The following GRIN3A variants were observed in gnomAD, a reference collection of about 807,000 sequenced individuals.
GRIN3A encodes the protein glutamate receptor ionotropic, NMDA 3A.
Under a neutral mutation model 92.4 loss-of-function variants are expected in GRIN3A, and 47 were observed. The observed-to-expected ratio is 0.51, with a 90% confidence interval of 0.40 to 0.65. GRIN3A has a LOEUF of 0.65. GRIN3A is among the 30% of genes least tolerant of loss of function. The probability of loss-of-function intolerance (pLI) is 0.00; values close to 1 mark genes in which losing one functional copy is unlikely to be tolerated. For synonymous variants in GRIN3A, 527 were observed against 540.6 expected, an observed-to-expected ratio of 0.97 and a Z score of 0.35; for missense variants, 1,324 against 1,393.1, an observed-to-expected ratio of 0.95 and a Z score of 0.79.
At position 101,570,690 on chromosome 9, in the gene GRIN3A, T is replaced by C. The variant is rs1009482623; in HGVS notation, c.*2484A>G. 1 of 152,562 alleles carries C rather than the reference T, an allele frequency of 6.6e-6. No individual in the cohort carries two copies. 9.5% of individuals were successfully genotyped at this position (152,562 alleles called of 1,614,324 possible). ...GAGCGTGCATTGGTCATCTACTTTGTGGATAGGCAGGGCGATCTGGCATGT... is the reference window on the plus strand; with the variant it reads ...GAGCGTGCATTGGTCATCTACTTTGCGGATAGGCAGGGCGATCTGGCATGT... On this transcript the variant is annotated 3_prime_UTR_variant, in exon 9 of 9. Coordinates refer to ENST00000361820, the MANE Select transcript of GRIN3A (RefSeq NM_133445.3).
chr9:101,609,117 G>A (rs1412626515), intron 6 of GRIN3A, among the ~76,000 whole-genome samples: 1 of 152,208 alleles, frequency 6.6e-6, no homozygotes, highest in Non-Finnish European at 1.5e-5. Context: ...AAGGGAGGCT[G>A]TGCAATTGCC....
intron 6 of GRIN3A, chr9:101,594,969 C>A (rs562637941): frequency 1.3e-6 from 2 of 1,569,650 alleles, no homozygotes; most frequent in African/African-American, 1.3e-5. Context: ...GAGAGGGGAG[C>A]AGGGGCGGTG....
intron 6 of GRIN3A, among the ~76,000 whole-genome samples, chr9:101,596,858 T>C (rs1450965575): frequency 2.6e-5 from 4 of 152,230 alleles, no homozygotes; most frequent in Non-Finnish European, 5.9e-5. Context: ...TAAGGAAATA[T>C]TGGAACCAAC....
At chr9:101,698,881 G>C (rs910219182) in intron 1 of GRIN3A, among the ~76,000 whole-genome samples, 2 of 152,022 alleles carry the variant, frequency 1.3e-5, no homozygotes, top group Non-Finnish European at 2.9e-5. Flanking sequence ...TGTTAGCCAG[G>C]ATGGTCTCAA....
chr9:101,671,895 G>T (rs1255622682), intron 2 of GRIN3A, among the ~76,000 whole-genome samples: 2 of 152,140 alleles, frequency 1.3e-5, no homozygotes, highest in Admixed American at 6.5e-5. Flanking sequence ...ATAATATAGT[G>T]ATTCCTAACC....
rs961599057 is a variant in GRIN3A at position 101,689,912 on chromosome 9, G to T, written c.700-2712C>A. ...GTGTCTTACATATGGTTTGTTGTTT[G>T]CAAAAGAGCAAGCTCATGGCCTGAA... On this transcript the variant is annotated intron_variant, in intron 1 of 8. Coordinates refer to ENST00000361820, the MANE Select transcript of GRIN3A (RefSeq NM_133445.3). Among the ~76,000 whole-genome samples the T allele has an allele frequency of 4.4e-4, 67 of 152,118 alleles. 2 individuals are homozygous for T. Among genetic ancestry groups the T allele is most frequent in the Non-Finnish European group, 7.4e-5 (5 of 68,014 alleles).
Position 101,570,132 on chromosome 9 carries a change from C to T in GRIN3A, c.*3042G>A, listed in dbSNP as rs574487920. On this transcript the variant is annotated 3_prime_UTR_variant, in exon 9 of 9. Transcript: ENST00000361820. ...TAAATTTTGGGAGATTCCCCTTTCT[C>T]CTCCACCTGGAAGCATACACACTCT... is the stretch of plus-strand genomic sequence containing the variant. 90 of 152,258 alleles carry T rather than the reference C, an allele frequency of 5.9e-4. No homozygotes were observed. The highest frequency in any genetic ancestry group is 2.1e-3 in the African/African-American group (88 of 41,530). The allele number at this position is 152,258 out of a possible 1,614,324, so 9.4% of individuals were successfully genotyped here.
chr9:101,693,242 AAAATAT>A (rs1361136893), intron 1 of GRIN3A, among the ~76,000 whole-genome samples: 1,854 of 80,432 alleles, frequency 0.023, 30 homozygotes, highest in Admixed American at 0.059. Context: ...CATCTCAGCT[AAAATAT>A]ATATATATAT....
chr9:101,695,627 A>G (rs1829675696), intron 1 of GRIN3A, among the ~76,000 whole-genome samples: 1 of 152,158 alleles, frequency 6.6e-6, no homozygotes, highest in Admixed American at 6.6e-5. Flanking sequence ...CCTGACAATT[A>G]AGGAAGCTTC....
intron 1 of GRIN3A, among the ~76,000 whole-genome samples, chr9:101,727,539 C>G (rs1164361048): frequency 6.6e-6 from 1 of 152,072 alleles, no homozygotes; most frequent in African/African-American, 2.4e-5. Context: ...ATTAATGACT[C>G]TACATTTCTA....
At position 101,613,483 on chromosome 9, in the gene GRIN3A, T is replaced by C; in HGVS notation, c.2659A>G (p.Ile887Val). ...LPPNSPLTAN[I>V]SELISQYKSH... ...TTGTATTGACTGATTAGCTCGGATATGTTGGCGGTCAATGGAGAGTTGGGT... is the reference window on the plus strand; with the variant it reads ...TTGTATTGACTGATTAGCTCGGATACGTTGGCGGTCAATGGAGAGTTGGGT... Residue 887 changes from isoleucine (I) to valine (V), a missense_variant, in exon 6 of 9, where the codon ATA (isoleucine) becomes GTA (valine). Ile to Val is a conservative substitution (Grantham distance 29). Transcript: ENST00000361820. 2 of 1,614,204 alleles carry C rather than the reference T, an allele frequency of 1.2e-6. No homozygotes were observed. Among genetic ancestry groups the C allele is most frequent in the South Asian group, 1.1e-5 (1 of 91,078 alleles).
chr9:101,627,382 A>T (rs181222261), intron 4 of GRIN3A, among the ~76,000 whole-genome samples: 6 of 152,290 alleles, frequency 3.9e-5, no homozygotes, highest in Admixed American at 2.6e-4. Flanking sequence ...ATGTTCCATG[A>T]AATTATTTAT....
chr9:101,707,807 A>T (rs1436462547), intron 1 of GRIN3A, among the ~76,000 whole-genome samples: 1 of 151,988 alleles, frequency 6.6e-6, no homozygotes, highest in Non-Finnish European at 1.5e-5. Flanking sequence ...TTTTTGGAAT[A>T]CTCCCTTTCA....
chr9:101,696,919 G>A (rs1177676083), intron 1 of GRIN3A, among the ~76,000 whole-genome samples: 1 of 152,028 alleles, frequency 6.6e-6, no homozygotes, highest in Admixed American at 6.6e-5. Flanking sequence ...ATACTCTCAA[G>A]ACATTTAAAA....
In GRIN3A at chr9:101,678,794, A is replaced by G. The variant is rs181477482; in HGVS notation, c.1305-7687T>C. Among the ~76,000 whole-genome samples the G allele has an allele frequency of 3.9e-4, 59 of 152,294 alleles. No homozygotes were observed. The East Asian group carries it at 0.01, about 26-fold the overall frequency. Reference sequence around the variant, plus strand: ...AAGAAGTCATACACACAGACATGGTAATCTCTTTTTCTTGCTTCCATGTGT... The same window carrying G: ...AAGAAGTCATACACACAGACATGGTGATCTCTTTTTCTTGCTTCCATGTGT... On this transcript the variant is annotated intron_variant, in intron 2 of 8. Transcript: ENST00000361820.
At chr9:101,721,941 T>G (rs562295664) in intron 1 of GRIN3A, among the ~76,000 whole-genome samples, 1 of 152,224 alleles carries the variant, frequency 6.6e-6, no homozygotes, top group South Asian at 2.1e-4. Context: ...TGGGGAGAAA[T>G]CCAAGCTGGC....
intron 6 of GRIN3A, among the ~76,000 whole-genome samples, chr9:101,605,687 G>T (rs1828271843): frequency 1.3e-5 from 2 of 152,180 alleles, no homozygotes; most frequent in Admixed American, 6.5e-5. Flanking sequence ...GTTCAGATAT[G>T]GGGTACTGTT....
chr9:101,637,282 A>T (rs62577429), intron 3 of GRIN3A, among the ~76,000 whole-genome samples: 20,870 of 152,052 alleles, frequency 0.14, 1,470 homozygotes, highest in East Asian at 0.23. Context: ...TTCAGTAGAG[A>T]TGGGGTTTCA....
chr9:101,711,775 A>G lies in GRIN3A; in HGVS notation c.700-24575T>C, dbSNP rs189224400. The stretch of plus-strand genomic sequence containing the variant: ...AAATGAGCATTGGAAAGCTGGACAG[A>G]GTAGGGGTGGGTGAATGGAAACTAG... On this transcript the variant is annotated intron_variant, in intron 1 of 8. Transcript: ENST00000361820. Among the ~76,000 whole-genome samples, 331 of 152,272 alleles carry G rather than the reference A, an allele frequency of 2.2e-3. 1 individual carries two copies. Among genetic ancestry groups the G allele is most frequent in the African/African-American group, 7.5e-3 (310 of 41,560 alleles).
Sources: allele counts gnomAD v4.1 joint callset (sites outside exome capture counted in the v4.1 genomes callset), GRCh38; gene constraint gnomAD v4.1.1; transcripts MANE v1.5; gene names NCBI Gene and HGNC (gene_info 2026-07-23, HGNC 2026-07-21).